The following LGSN variants were observed in gnomAD, a reference collection of about 807,000 sequenced individuals.
LGSN encodes lengsin.
LGSN carries 21 observed loss-of-function variants against 19.5 expected under a neutral mutation model. The observed-to-expected ratio is 1.07, with a 90% CI of 0.76 to 1.55. The LOEUF (loss-of-function observed/expected upper bound fraction) is 1.55. LGSN is among the 40% of genes most tolerant of loss of function. LGSN has a pLI of 0.00. For missense variants in LGSN, 673 were observed against 608.5 expected (o/e 1.11, Z -1.12); for synonymous variants, 257 against 215.6 (o/e 1.19, Z -1.68).
At chr6:63,382,644 G>A in the LGSN span, among the ~76,000 whole-genome samples, 7 of 152,264 alleles carry the variant, frequency 4.6e-5, no homozygotes, top group Non-Finnish European at 1.0e-4. Context: ...CATTTTATGT[G>A]CCTGGGTGAT....
the LGSN span, among the ~76,000 whole-genome samples, chr6:63,394,022 CT>C: frequency 6.6e-6 from 1 of 152,198 alleles, no homozygotes; most frequent in African/African-American, 2.4e-5. Context: ...AATCCCAGCA[CT>C]TTGGGAGGCC....
the LGSN span, among the ~76,000 whole-genome samples, chr6:63,495,289 C>T: frequency 6.6e-6 from 1 of 151,864 alleles, no homozygotes; most frequent in Non-Finnish European, 1.5e-5. Context: ...TCCTCATTTT[C>T]TAGATGAGGA....
chr6:63,542,785 C>A, the LGSN span, among the ~76,000 whole-genome samples: 1 of 152,106 alleles, frequency 6.6e-6, no homozygotes, highest in African/African-American at 2.4e-5. Flanking sequence ...TTCACAAATC[C>A]TACATCCTTT....
the LGSN span, among the ~76,000 whole-genome samples, chr6:63,540,895 C>T: frequency 1.3e-5 from 2 of 151,004 alleles, no homozygotes; most frequent in Non-Finnish European, 3.0e-5. Flanking sequence ...CCCAACTACT[C>T]GGGAGGCTGA....
the LGSN span, among the ~76,000 whole-genome samples, chr6:63,493,951 C>CTT: frequency 2.0e-3 from 273 of 137,820 alleles, 5 homozygotes; most frequent in East Asian, 5.3e-3. Flanking sequence ...GAAATCATTT[C>CTT]TTTTTTTTTT....
At chr6:63,423,828 A>AAT in the LGSN span, among the ~76,000 whole-genome samples, 1 of 152,188 alleles carries the variant, frequency 6.6e-6, no homozygotes, top group Non-Finnish European at 1.5e-5. Flanking sequence ...ATTTGATGTT[A>AAT]GGAGTTCGAG....
At chr6:63,352,194 T>C in the LGSN span, among the ~76,000 whole-genome samples, 1 of 152,212 alleles carries the variant, frequency 6.6e-6, no homozygotes, top group Non-Finnish European at 1.5e-5. Context: ...TAGAAATGCT[T>C]GTATAACATC....
At chr6:63,281,348 A>G (rs1767317204) in intron 3 of LGSN, 128 bp from the exon 4 acceptor site, 1 of 174,298 alleles carries the variant, frequency 5.7e-6, no homozygotes, top group Non-Finnish European at 1.1e-5. Context: ...ATATATATAT[A>G]TGTTTAACAC....
At chr6:63,509,385 AT>A in the LGSN span, among the ~76,000 whole-genome samples, 81,299 of 151,712 alleles carry the variant, frequency 0.54, 23,606 homozygotes, top group African/African-American at 0.77. Context: ...TTTTTTAAGG[AT>A]TTTTTTTAAT....
the LGSN span, among the ~76,000 whole-genome samples, chr6:63,481,392 G>C: frequency 6.7e-6 from 1 of 150,296 alleles, no homozygotes; most frequent in Admixed American, 6.6e-5. Context: ...GCCCAGGCTG[G>C]AGGGCAGTGG....
the LGSN span, among the ~76,000 whole-genome samples, chr6:63,514,503 G>A: frequency 2.0e-5 from 3 of 152,108 alleles, no homozygotes; most frequent in Admixed American, 1.3e-4. Context: ...CTGGAATTAC[G>A]GGCATGAGCC....
At chr6:63,388,334 G>T in the LGSN span, among the ~76,000 whole-genome samples, 2 of 152,196 alleles carry the variant, frequency 1.3e-5, no homozygotes, top group African/African-American at 2.4e-5. Context: ...TGAGAAAAGT[G>T]AGGTCCTATT....
the LGSN span, among the ~76,000 whole-genome samples, chr6:63,409,583 C>T: frequency 6.6e-6 from 1 of 152,114 alleles, no homozygotes; most frequent in Non-Finnish European, 1.5e-5. Context: ...CAGTTAATAG[C>T]TGTATAATTT....
At chr6:63,284,727 C>T (rs549794307) in intron 3 of LGSN, among the ~76,000 whole-genome samples, 1 of 152,064 alleles carries the variant, frequency 6.6e-6, no homozygotes, top group Non-Finnish European at 1.5e-5. Context: ...GCCTGAATGA[C>T]AAGGAAACAA....
rs188535919 is a variant in LGSN at position 63,319,955 on chromosome 6, T to C, written c.-12A>G. ...TCTTCATTATTCATCTCAACACTTTTTAAGTTCAGCGTTAGAAACCACAAT... is the reference window on the plus strand; with the variant it reads ...TCTTCATTATTCATCTCAACACTTTCTAAGTTCAGCGTTAGAAACCACAAT... On this transcript the variant is annotated 5_prime_UTR_variant, in exon 1 of 4. Coordinates refer to ENST00000370657, the MANE Select transcript of LGSN (RefSeq NM_016571.3). The C allele has an allele frequency of 2.7e-4, 433 of 1,605,210 alleles. 1 individual carries two copies. In the African/African-American group the frequency reaches 4.7e-3, roughly 17 times the overall value.
chr6:63,457,723 C>CA, the LGSN span, among the ~76,000 whole-genome samples: 3 of 151,622 alleles, frequency 2.0e-5, no homozygotes, highest in East Asian at 5.9e-4. Context: ...CCTAAAAATA[C>CA]AAAAAATTAG....
chr6:63,304,056 G>T (rs948262123), intron 1 of LGSN, among the ~76,000 whole-genome samples: 1 of 152,186 alleles, frequency 6.6e-6, no homozygotes, highest in African/African-American at 2.4e-5. Context: ...GCCTATGTGT[G>T]TGAAGTATAT....
At chr6:63,433,044 T>C in the LGSN span, among the ~76,000 whole-genome samples, 1 of 152,264 alleles carries the variant, frequency 6.6e-6, no homozygotes, top group South Asian at 2.1e-4. Flanking sequence ...TGAAGGGACA[T>C]CTCTTTCCTT....
chr6:63,336,188 A>G, the LGSN span, among the ~76,000 whole-genome samples: 1 of 152,184 alleles, frequency 6.6e-6, no homozygotes, highest in Non-Finnish European at 1.5e-5. Context: ...CGCATTTTTT[A>G]AAAGTTAACA....
Sources: allele counts gnomAD v4.1 joint callset (sites outside exome capture counted in the v4.1 genomes callset), GRCh38; gene constraint gnomAD v4.1.1; transcripts MANE v1.5; gene names NCBI Gene and HGNC (gene_info 2026-07-23, HGNC 2026-07-21).